Variants in ANK3 observed in about 807,000 individuals in gnomAD.
ANK3 encodes ankyrin 3.
Under a neutral mutation model 370.9 loss-of-function variants are expected in ANK3, and 57 were observed. That is an observed-to-expected ratio of 0.15 (90% CI 0.12 to 0.19). ANK3 has a LOEUF of 0.19. Ranked by LOEUF, ANK3 falls within the 10% of genes least tolerant of loss-of-function variation. The probability of loss-of-function intolerance (pLI) is 1.00; values close to 1 mark genes in which losing one functional copy is unlikely to be tolerated. For missense variants in ANK3, 4,439 were observed against 5,302.1 expected (o/e 0.84, Z 5.06); for synonymous variants, 1,929 against 1,946.3 (o/e 0.99, Z 0.23).
intron 1 of ANK3, among the ~76,000 whole-genome samples, chr10:60,300,861 T>G (rs1489654513): frequency 6.6e-6 from 1 of 152,134 alleles, no homozygotes; most frequent in Non-Finnish European, 1.5e-5. Flanking sequence ...ACTTTTAATT[T>G]CCTTCTCTGT....
chr10:60,217,269 C>T (rs1047278622), intron 8 of ANK3, among the ~76,000 whole-genome samples: 1 of 151,486 alleles, frequency 6.6e-6, no homozygotes, highest in African/African-American at 2.4e-5. Flanking sequence ...TCCTTTAATT[C>T]TTCTCTTAGT....
At chr10:60,530,170 G>A (rs1567122449) in intron 2 of ANK3, among the ~76,000 whole-genome samples, 1 of 152,148 alleles carries the variant, frequency 6.6e-6, no homozygotes, top group African/African-American at 2.4e-5. Context: ...AGATTTTTAG[G>A]AGATGATGAC....
At chr10:60,590,071 A>G (rs571018770) in intron 2 of ANK3, among the ~76,000 whole-genome samples, 2 of 152,298 alleles carry the variant, frequency 1.3e-5, no homozygotes, top group Admixed American at 6.5e-5. Flanking sequence ...GATTTATTCT[A>G]TTTCTGTATT....
chr10:60,376,954 A>G (rs1160018466), intron 1 of ANK3, among the ~76,000 whole-genome samples: 3 of 152,248 alleles, frequency 2.0e-5, no homozygotes, highest in African/African-American at 7.2e-5. Flanking sequence ...GCTCCAGCTG[A>G]AGAGGCATAG....
At chr10:60,611,977 T>G (rs916340253) in intron 2 of ANK3, among the ~76,000 whole-genome samples, 1 of 152,108 alleles carries the variant, frequency 6.6e-6, no homozygotes, top group Non-Finnish European at 1.5e-5. Context: ...CTTATCTCAT[T>G]CAATTCAGAA....
At chr10:60,509,456 A>T (rs79063770) in intron 2 of ANK3, among the ~76,000 whole-genome samples, 373 of 152,280 alleles carry the variant, frequency 2.4e-3, no homozygotes, top group African/African-American at 8.7e-3. Flanking sequence ...TGAAAGCCAC[A>T]TGTTCAAGAA....
In ANK3 at chr10:60,072,726, T is replaced by C. The variant is rs754906731; in HGVS notation, c.8155A>G (p.Arg2719Gly). Residue 2719 changes from arginine (R) to glycine (G), a missense_variant, in exon 37 of 44, where the codon AGA becomes GGA. Transcript: ENST00000280772. The stretch of plus-strand genomic sequence containing the variant: ...TGTGTGCCTTGTTCAAATTTTAATC[T>C]AATGGAACTGAGTTTAGATTGTTTG... ...QLKQSKLSSI[R>G]LKFEQGTHAK... The C allele has an allele frequency of 1.2e-6, 2 of 1,614,108 alleles. No individual in the cohort carries two copies. The highest frequency in any genetic ancestry group is 1.7e-6 in the Non-Finnish European group (2 of 1,179,990).
At chr10:60,517,280 C>A (rs1346634819) in intron 2 of ANK3, among the ~76,000 whole-genome samples, 1 of 152,034 alleles carries the variant, frequency 6.6e-6, no homozygotes, top group East Asian at 1.9e-4. Flanking sequence ...CCAGGCTGGT[C>A]TCAAACTCAT....
At chr10:60,707,568 A>AT (rs2079638211) in intron 1 of ANK3, among the ~76,000 whole-genome samples, 1 of 151,746 alleles carries the variant, frequency 6.6e-6, no homozygotes, top group Admixed American at 6.6e-5. Context: ...TACAGTTCTG[A>AT]TACACTTAGA....
intron 2 of ANK3, among the ~76,000 whole-genome samples, chr10:60,495,049 G>T (rs537959126): frequency 6.6e-6 from 1 of 152,056 alleles, no homozygotes; most frequent in South Asian, 2.1e-4. Context: ...ACATGTCATC[G>T]CTCATCACTC....
At chr10:60,078,856 G>C (rs2084427832) in intron 36 of ANK3, among the ~76,000 whole-genome samples, 1 of 152,074 alleles carries the variant, frequency 6.6e-6, no homozygotes, top group Admixed American at 6.6e-5. Flanking sequence ...TCATAAAACA[G>C]AAAACTTCGC....
chr10:60,589,417 C>T (rs555856328), intron 2 of ANK3, among the ~76,000 whole-genome samples: 1 of 152,290 alleles, frequency 6.6e-6, no homozygotes, highest in East Asian at 1.9e-4. Context: ...AATATTTATG[C>T]ATCTTCTATA....
chr10:60,428,867 C>T (rs1409473467), intron 2 of ANK3, among the ~76,000 whole-genome samples: 1 of 152,150 alleles, frequency 6.6e-6, no homozygotes, highest in African/African-American at 2.4e-5. Flanking sequence ...AGGAGAAAGA[C>T]ATGTCTTAAC....
At chr10:60,391,745 G>T (rs551847403), upstream of ANK3, among the ~76,000 whole-genome samples, 1 of 152,062 alleles carries the variant, frequency 6.6e-6, no homozygotes, top group Non-Finnish European at 1.5e-5. Flanking sequence ...GATTTCTATC[G>T]GCAAAAGTAT....
intron 43 of ANK3, among the ~76,000 whole-genome samples, chr10:60,035,750 G>A (rs900062889): frequency 2.6e-5 from 4 of 151,340 alleles, no homozygotes; most frequent in African/African-American, 9.7e-5. Flanking sequence ...AGCACTTTGG[G>A]ATGCTGAGGC....
At chr10:60,315,959 C>G (rs1379387450) in intron 1 of ANK3, among the ~76,000 whole-genome samples, 1 of 152,138 alleles carries the variant, frequency 6.6e-6, no homozygotes. Flanking sequence ...TCAGCTTTTA[C>G]TCTATGTGCT....
intron 23 of ANK3, among the ~76,000 whole-genome samples, chr10:60,147,994 C>T (rs998289386): frequency 6.6e-6 from 1 of 152,166 alleles, no homozygotes; most frequent in Non-Finnish European, 1.5e-5. Flanking sequence ...ATTGGGTAAA[C>T]TAGGTAAATT....
intron 1 of ANK3, among the ~76,000 whole-genome samples, chr10:60,282,655 A>G (rs1339915523): frequency 6.6e-6 from 1 of 152,148 alleles, no homozygotes; most frequent in African/African-American, 2.4e-5. Flanking sequence ...CCTTCATTAT[A>G]TCTATTTCAT....
At chr10:60,112,515 T>C (rs899293281) in intron 26 of ANK3, among the ~76,000 whole-genome samples, 2 of 152,192 alleles carry the variant, frequency 1.3e-5, no homozygotes, top group Non-Finnish European at 2.9e-5. Context: ...GTTTATAATT[T>C]ATGAAACACT....
Sources: gnomAD v4.1 joint callset for allele counts (sites outside exome capture counted in the v4.1 genomes callset) on GRCh38, gnomAD v4.1.1 for gene constraint, MANE v1.5 for transcripts, NCBI Gene and HGNC (gene_info 2026-07-23, HGNC 2026-07-21) for gene names.